The following DIP2C variants were observed in gnomAD, a reference collection of about 807,000 sequenced individuals.
DIP2C encodes DIP2 acetate--CoA ligase C (putative).
DIP2C carries 33 observed loss-of-function variants against 192.4 expected under a neutral mutation model. The observed-to-expected ratio is 0.17, with a 90% CI of 0.13 to 0.23. DIP2C has a LOEUF of 0.23. DIP2C is among the 10% of genes least tolerant of loss of function. DIP2C has a pLI of 1.00. For synonymous variants in DIP2C, 979 were observed against 864.1 expected, an observed-to-expected ratio of 1.13 and a Z score of -2.33; for missense variants, 1,537 against 2,110.1, an observed-to-expected ratio of 0.73 and a Z score of 5.32.
intron 4 of DIP2C, among the ~76,000 whole-genome samples, chr10:432,540 C>T (rs1371784293): frequency 6.6e-6 from 1 of 152,076 alleles, no homozygotes; most frequent in Non-Finnish European, 1.5e-5. Context: ...TATTTCATTT[C>T]TGATATTGGT....
At chr10:606,956 C>T (rs1003470581) in intron 1 of DIP2C, among the ~76,000 whole-genome samples, 1 of 152,206 alleles carries the variant, frequency 6.6e-6, no homozygotes, top group African/African-American at 2.4e-5. Flanking sequence ...AGGACGCACA[C>T]CCCAAACCCA....
rs117829251 is a variant in DIP2C, at chr10:374,151, T to C, written c.1992-4518A>G. Among the ~76,000 whole-genome samples, 918 of 152,328 alleles carry C rather than the reference T, an allele frequency of 6.0e-3. 4 individuals carry two copies. Among genetic ancestry groups the C allele is most frequent in the Middle Eastern group, 0.014 (4 of 294 alleles). On this transcript the variant is annotated intron_variant, in intron 17 of 36. Coordinates refer to ENST00000280886, the MANE Select transcript of DIP2C (RefSeq NM_014974.3). ...AGGTGTGTGCACCACTGAATTCAGC[T>C]GGTTTGTTACACACAGTGTTTAGTA...
At chr10:316,556 C>T (rs1455917102) in intron 31 of DIP2C, among the ~76,000 whole-genome samples, 3 of 152,228 alleles carry the variant, frequency 2.0e-5, no homozygotes, top group Non-Finnish European at 4.4e-5. Flanking sequence ...GTGCTATGCC[C>T]TCATCCCACC....
intron 2 of DIP2C, 33 bp downstream of exon 2, chr10:486,424 TGA>T: frequency 2.6e-6 from 4 of 1,552,672 alleles, no homozygotes; most frequent in Non-Finnish European, 2.6e-6. Context: ...ATGCGGGAAA[TGA>T]GAGGACTCAT....
chr10:676,190 A>G (rs1476286998), intron 1 of DIP2C, among the ~76,000 whole-genome samples: 1 of 152,240 alleles, frequency 6.6e-6, no homozygotes, highest in Non-Finnish European at 1.5e-5. Context: ...ATACAGAAAA[A>G]GCATTTGATA....
At chr10:533,165 A>AC (rs151335697) in intron 1 of DIP2C, among the ~76,000 whole-genome samples, 1,586 of 151,756 alleles carry the variant, frequency 0.01, 29 homozygotes, top group African/African-American at 0.036. Flanking sequence ...GTCAGAACTG[A>AC]CCCTCCCTCG....
At chr10:466,076 A>G (rs1414781586) in intron 3 of DIP2C, among the ~76,000 whole-genome samples, 167 of 148,298 alleles carry the variant, frequency 1.1e-3, no homozygotes, top group Non-Finnish European at 2.1e-3. Context: ...AGCCCGCATC[A>G]CCAAGTCAAT....
chr10:528,047 G>A (rs558678716), intron 1 of DIP2C, among the ~76,000 whole-genome samples: 2 of 152,300 alleles, frequency 1.3e-5, no homozygotes, highest in South Asian at 4.2e-4. Flanking sequence ...GTGTCCTTGG[G>A]AATGTAGGGC....
rs60269783 is a variant in DIP2C, at chr10:512,922, G to GAAAAAAAA, written c.86-26400_86-26393dup. Among the ~76,000 whole-genome samples, 53 of 92,176 alleles carry GAAAAAAAA rather than the reference G, an allele frequency of 5.7e-4. No homozygotes were observed. The East Asian group carries it at 0.014, about 24-fold the overall frequency. 60.5% of individuals were successfully genotyped at this position (92,176 alleles called of 152,430 possible). On this transcript the variant is annotated intron_variant, in intron 1 of 36. Coordinates refer to ENST00000280886, the MANE Select transcript of DIP2C (RefSeq NM_014974.3). ...TGACAACAGCGAGACCCCACTTCAGGAAAAAAAAAAAAAAAAAAAAAAGGG... is the reference window on the plus strand; with the variant it reads ...TGACAACAGCGAGACCCCACTTCAGGAAAAAAAAAAAAAAAAAAAAAAAAAAAAAAGGG...
At chr10:337,867 G>A (rs537114402) in intron 29 of DIP2C, among the ~76,000 whole-genome samples, 1 of 125,882 alleles carries the variant, frequency 7.9e-6, no homozygotes, top group African/African-American at 3.0e-5. Context: ...GTGTGTGCAC[G>A]TGTGTTGTAG....
intron 3 of DIP2C, among the ~76,000 whole-genome samples, chr10:470,200 A>G (rs1440120345): frequency 2.7e-5 from 4 of 150,068 alleles, no homozygotes; most frequent in African/African-American, 1.0e-4. Context: ...GCAGATAGAC[A>G]GAGTATCATG....
At position 384,134 on chromosome 10, in the gene DIP2C, C is replaced by A. The variant is rs200557197; in HGVS notation, c.1769G>T (p.Cys590Phe). The stretch of plus-strand genomic sequence containing the variant: ...CCAATGCATATCCCTCGATTTCACA[C>A]ACGCCACTTTTGCTAAAAAGAAAAA... The part of the protein sequence containing the change: ...KVCQYKAKVA[C>F]VKSRDMHWAL... The change falls in exon 16 of 37, where the codon TGT (cysteine) becomes TTT (phenylalanine). Residue 590 changes from cysteine (C) to phenylalanine (F), a missense_variant. Physicochemically the swap from Cys to Phe is radical, Grantham distance 205. Transcript: ENST00000280886. 5 of 1,609,424 alleles carry A rather than the reference C, an allele frequency of 3.1e-6. No homozygotes were observed. The highest frequency in any genetic ancestry group is 4.2e-6 in the Non-Finnish European group (5 of 1,179,098).
Position 277,532 on chromosome 10 carries a change from C to T in DIP2C, c.4464G>A (p.Leu1488=). 6.2e-7 allele frequency: 1 copy of T among 1,614,148 alleles called. No homozygotes were observed. Among genetic ancestry groups the T allele is most frequent in the Non-Finnish European group, 8.5e-7 (1 of 1,180,042 alleles). The part of the protein sequence containing the change: ...WTNLLVVVVE[L]DGSEQEALDL... ...CCAAGGCTTCTTGTTCCGACCCATC[C>T]AGCTCAACCACAACCACCAACAAAT... The change falls in exon 37 of 37, where the codon CTG becomes CTA. Residue 1488 remains leucine (L), a synonymous_variant. Transcript: ENST00000280886.
At chr10:401,831 C>T (rs866158722) in intron 9 of DIP2C, among the ~76,000 whole-genome samples, 10 of 141,434 alleles carry the variant, frequency 7.1e-5, no homozygotes, top group African/African-American at 1.1e-4. Context: ...TGATTTTACA[C>T]GTGTGGCAGC....
At chr10:534,778 G>T (rs979780915) in intron 1 of DIP2C, among the ~76,000 whole-genome samples, 2 of 151,044 alleles carry the variant, frequency 1.3e-5, no homozygotes, top group Admixed American at 1.3e-4. Context: ...CCGGGTTCAC[G>T]CCATTCTCCT....
At chr10:459,058 C>G (rs1029120961) in intron 3 of DIP2C, among the ~76,000 whole-genome samples, 37 of 150,452 alleles carry the variant, frequency 2.5e-4, no homozygotes, top group African/African-American at 8.8e-4. Flanking sequence ...CCAAAGAGCA[C>G]TTTAAAGACT....
At chr10:685,145 A>T (rs1263254663) in intron 1 of DIP2C, among the ~76,000 whole-genome samples, 1 of 59,910 alleles carries the variant, frequency 1.7e-5, no homozygotes, top group African/African-American at 8.4e-5. Context: ...CAAAAAAAAA[A>T]AAAAAAAAAA....
At chr10:311,404 C>T in intron 31 of DIP2C, 3 of 777,174 alleles carry the variant, frequency 3.9e-6, no homozygotes, top group Non-Finnish European at 5.2e-6. Flanking sequence ...CCGGCAGCAC[C>T]CATGATCACA....
At chr10:604,644 C>T (rs1852337917) in intron 1 of DIP2C, among the ~76,000 whole-genome samples, 1 of 152,238 alleles carries the variant, frequency 6.6e-6, no homozygotes, top group Non-Finnish European at 1.5e-5. Flanking sequence ...AAAACAGCTT[C>T]TCTTGATTAT....
Sources: allele counts gnomAD v4.1 joint callset (sites outside exome capture counted in the v4.1 genomes callset), GRCh38; gene constraint gnomAD v4.1.1; transcripts MANE v1.5; gene names NCBI Gene and HGNC (gene_info 2026-07-23, HGNC 2026-07-21).